Variants in CELSR1 observed in about 807,000 individuals in gnomAD.
The protein encoded by CELSR1 is cadherin EGF LAG seven-pass G-type receptor 1.
A neutral mutation model predicts 249.1 loss-of-function variants in CELSR1; 110 were observed. That is an observed-to-expected ratio of 0.44 (90% CI 0.38 to 0.52). The LOEUF (loss-of-function observed/expected upper bound fraction) is 0.52, where lower values mean the gene tolerates loss of function less well. CELSR1 is among the 20% of genes least tolerant of loss of function. The pLI, the probability that CELSR1 is intolerant of heterozygous loss-of-function variation, is 0.00. For synonymous variants in CELSR1, 2,113 were observed against 1,900.0 expected, an observed-to-expected ratio of 1.11 and a Z score of -2.92; for missense variants, 4,109 against 4,296.4, an observed-to-expected ratio of 0.96 and a Z score of 1.22.
Position 46,381,836 on chromosome 22 carries a change from C to G in CELSR1, c.7088+10G>C. 3.2e-6 allele frequency: 5 copies of G among 1,545,082 alleles called. No homozygotes were observed. Among genetic ancestry groups the G allele is most frequent in the Non-Finnish European group, 4.4e-6 (5 of 1,148,786 alleles). On this transcript the variant is annotated intron_variant, in intron 21 of 34. Coordinates refer to ENST00000674500, the MANE Select transcript of CELSR1 (RefSeq NM_001378328.1). The surrounding 1 kb of genome is among the most constrained non-coding windows in gnomAD (Gnocchi z 6.0). ...GGGCCCTCCCCGTGTGCCCCGTGCC[C>G]AGGCCTTACCGGAGGCTGCGACGGT...
chr22:46,451,576 T>C (rs2079885346), intron 2 of CELSR1, among the ~76,000 whole-genome samples: 1 of 152,074 alleles, frequency 6.6e-6, no homozygotes, highest in Non-Finnish European at 1.5e-5. Flanking sequence ...AGCCAAAGGC[T>C]CCAGTAGCAT....
At position 46,488,317 on chromosome 22, in the gene CELSR1, G is replaced by C. The variant is rs1274443711; in HGVS notation, c.3545-23972C>G. ...AGCCCTGCCCTCCTGGGGACAGGGGGATGGTCTTGGGGGATGAGAGTCCCA... is the reference window on the plus strand; with the variant it reads ...AGCCCTGCCCTCCTGGGGACAGGGGCATGGTCTTGGGGGATGAGAGTCCCA... On this transcript the variant is annotated intron_variant, in intron 1 of 34. Transcript: ENST00000674500. The surrounding 1 kb of genome is among the most constrained non-coding windows in gnomAD (Gnocchi z 4.7). Among the ~76,000 whole-genome samples, 2 of 152,048 alleles carry C rather than the reference G, an allele frequency of 1.3e-5. No homozygotes were observed. Among genetic ancestry groups the C allele is most frequent in the African/African-American group, 4.8e-5 (2 of 41,358 alleles).
At position 46,533,955 on chromosome 22, in the gene CELSR1, C is replaced by G. The variant is rs374835377; in HGVS notation, c.3216G>C (p.Leu1072=). The G allele has an allele frequency of 2.5e-5, 40 of 1,613,380 alleles. 1 individual carries two copies. The highest frequency in any genetic ancestry group is 1.1e-4 in the East Asian group (5 of 44,892). The change falls in exon 1 of 35, where the codon CTG becomes CTC. Residue 1072 remains leucine, a synonymous_variant. Transcript: ENST00000674500. ...GCGGAGCCGACGTGGCCTGCACCAC[C>G]AGCACATACTCCCGCCGGACCTCAA... ...LDFEVRREYV[L]VVQATSAPLV...
chr22:46,499,468 C>T (rs890362643), intron 1 of CELSR1, among the ~76,000 whole-genome samples: 3 of 152,200 alleles, frequency 2.0e-5, no homozygotes, highest in African/African-American at 4.8e-5. Context: ...GGCTTAGATG[C>T]CAGTGGCGAG....
chr22:46,391,055 G>A lies in CELSR1; in HGVS notation c.6250+131C>T. On this transcript the variant is annotated intron_variant, in intron 16 of 34. Transcript: ENST00000674500. The surrounding 1 kb of genome is among the most constrained non-coding windows in gnomAD (Gnocchi z 4.3). ...TTTCCTGGTAGGGAAAAGGCGATCG[G>A]ATTTCTCCCCAGCACTTTGCCTGCG... The A allele has an allele frequency of 1.4e-6, 1 of 723,344 alleles. No individual in the cohort carries two copies. The highest frequency in any genetic ancestry group is 2.3e-6 in the Non-Finnish European group (1 of 439,938). 44.8% of individuals were successfully genotyped at this position (723,344 alleles called of 1,614,324 possible).
Position 46,407,593 on chromosome 22 carries a change from T to TCGCACTCCAGCCTGGG in CELSR1, c.5226+1387_5226+1402dup. ...GTTGCAGTGAGCTGAGGTTACGCCGTCGCACTCCAGCCTGGGCAACAAGAG... is the reference window on the plus strand; with the variant it reads ...GTTGCAGTGAGCTGAGGTTACGCCGTCGCACTCCAGCCTGGGCGCACTCCAGCCTGGGCAACAAGAG... On this transcript the variant is annotated intron_variant, in intron 9 of 34. Coordinates refer to ENST00000674500, the MANE Select transcript of CELSR1 (RefSeq NM_001378328.1). This position sits in a 1 kb window ranked among gnomAD's most constrained non-coding sequence, Gnocchi z 4.8. Among the ~76,000 whole-genome samples, 1 of 151,834 alleles carries TCGCACTCCAGCCTGGG rather than the reference T, an allele frequency of 6.6e-6. No homozygotes were observed. The highest frequency in any genetic ancestry group is 6.6e-5 in the Admixed American group (1 of 15,234).
Position 46,516,512 on chromosome 22 carries a change from T to A in CELSR1, c.3544+17115A>T, listed in dbSNP as rs899360463. Among the ~76,000 whole-genome samples, 225 of 151,528 alleles carry A rather than the reference T, an allele frequency of 1.5e-3. 1 individual carries two copies. Among genetic ancestry groups the A allele is most frequent in the Admixed American group, 2.6e-3 (40 of 15,196 alleles). ...ACCGGTTTTGGGGGGTTTTTTAAAA[T>A]TTTTTTTTATAGACACAGGGTCTCG... On this transcript the variant is annotated intron_variant, in intron 1 of 34. Coordinates refer to ENST00000674500, the MANE Select transcript of CELSR1 (RefSeq NM_001378328.1).
At position 46,386,471 on chromosome 22, in the gene CELSR1, A is replaced by G; in HGVS notation, c.6670T>C (p.Phe2224Leu). Residue 2224 changes from phenylalanine (F) to leucine (L), a missense_variant, in exon 19 of 35, where the codon TTC becomes CTC. By Grantham distance (22) the Phe-to-Leu change is conservative. Transcript: ENST00000674500. ...AQLLRRLEGY[F>L]SNVARNVRRT... ...CGCACGTTGCGTGCCACGTTGCTGA[A>G]GTAGCCCTCGAGGCGCCGGAGCAGC... The G allele has an allele frequency of 1.2e-6, 2 of 1,603,756 alleles. No homozygotes were observed. Among genetic ancestry groups the G allele is most frequent in the South Asian group, 1.1e-5 (1 of 89,546 alleles).
Position 46,408,525 on chromosome 22 carries a change from G to A in CELSR1, c.5226+471C>T, listed in dbSNP as rs1401491994. Among the ~76,000 whole-genome samples, 1 of 152,168 alleles carries A rather than the reference G, an allele frequency of 6.6e-6. No individual in the cohort carries two copies. Among genetic ancestry groups the A allele is most frequent in the Non-Finnish European group, 1.5e-5 (1 of 68,034 alleles). On this transcript the variant is annotated intron_variant, in intron 9 of 34. Coordinates refer to ENST00000674500, the MANE Select transcript of CELSR1 (RefSeq NM_001378328.1). This position sits in a 1 kb window ranked among gnomAD's most constrained non-coding sequence, Gnocchi z 4.6. ...TTTTTTTGTATTTTTAGTAGAGATGGGGTTTCACCATGTTGGCCAGGCTGG... is the reference window on the plus strand; with the variant it reads ...TTTTTTTGTATTTTTAGTAGAGATGAGGTTTCACCATGTTGGCCAGGCTGG...
At chr22:46,420,154 GC>G (rs1351358031) in intron 5 of CELSR1, among the ~76,000 whole-genome samples, 1 of 148,396 alleles carries the variant, frequency 6.7e-6, no homozygotes, top group Non-Finnish European at 1.5e-5. Flanking sequence ...ACTCAAATGT[GC>G]CCTCACCCAC....
chr22:46,530,966 A>C (rs888318933), intron 1 of CELSR1, among the ~76,000 whole-genome samples: 2 of 152,330 alleles, frequency 1.3e-5, no homozygotes, highest in Admixed American at 1.3e-4. Context: ...CTGGGGAAGC[A>C]ACAACACTCC....
chr22:46,469,338 C>T (rs993976407), intron 1 of CELSR1, among the ~76,000 whole-genome samples: 1 of 152,158 alleles, frequency 6.6e-6, no homozygotes, highest in Admixed American at 6.6e-5. Flanking sequence ...CTTCCTGCCC[C>T]GGGGCCTTTG....
At chr22:46,507,864 T>TGG (rs5845754) in intron 1 of CELSR1, among the ~76,000 whole-genome samples, 17 of 152,004 alleles carry the variant, frequency 1.1e-4, no homozygotes, top group East Asian at 7.7e-4. Context: ...GAGGAGGCAC[T>TGG]GGGGGGCTGC....
rs925842766 is a variant in CELSR1, at chr22:46,396,443, T to C, written c.5843+162A>G. 6.6e-6 allele frequency among the ~76,000 whole-genome samples: 1 copy of C among 151,788 alleles called. No individual in the cohort carries two copies. Among genetic ancestry groups the C allele is most frequent in the Non-Finnish European group, 1.5e-5 (1 of 68,004 alleles). On this transcript the variant is annotated intron_variant, in intron 13 of 34. Coordinates refer to ENST00000674500, the MANE Select transcript of CELSR1 (RefSeq NM_001378328.1). This position sits in a 1 kb window ranked among gnomAD's most constrained non-coding sequence, Gnocchi z 6.4. ...AAATAAAATAAAAATTAAAAAAAATTTGATTTTCACTTAATTCATGCCAAA... is the reference window on the plus strand; with the variant it reads ...AAATAAAATAAAAATTAAAAAAAATCTGATTTTCACTTAATTCATGCCAAA...
In CELSR1 at chr22:46,386,541, C is replaced by T; in HGVS notation, c.6600G>A (p.Arg2200=). ...SGSALLAPAT[R]AAWEQIQRSE... ...TCCGCTGGATCTGCTCCCACGCCGC[C>T]CTGGTGGCTGGGGCCAGGAGGGCGC... The change falls in exon 19 of 35, where the codon AGG becomes AGA. Residue 2200 remains arginine (R), a synonymous_variant. Coordinates refer to ENST00000674500, the MANE Select transcript of CELSR1 (RefSeq NM_001378328.1). 6.3e-7 allele frequency: 1 copy of T among 1,598,326 alleles called. No individual in the cohort carries two copies. The highest frequency in any genetic ancestry group is 8.5e-7 in the Non-Finnish European group (1 of 1,174,404).
chr22:46,426,620 G>A (rs574449728), intron 5 of CELSR1, among the ~76,000 whole-genome samples: 1 of 152,238 alleles, frequency 6.6e-6, no homozygotes, highest in South Asian at 2.1e-4. Context: ...AGCAATTTGG[G>A]GGTGCTATGG....
In CELSR1 at chr22:46,406,162, A is replaced by T. The variant is rs745553817; in HGVS notation, c.5226+2834T>A. On this transcript the variant is annotated intron_variant, in intron 9 of 34. Transcript: ENST00000674500. The surrounding 1 kb of genome is among the most constrained non-coding windows in gnomAD (Gnocchi z 5.4). The stretch of plus-strand genomic sequence containing the variant: ...TGCCAAATGACAACTTGCAAGCTCC[A>T]GTTCATCACCTGCATCCAACAGCCA... Among the ~76,000 whole-genome samples, 3 of 152,238 alleles carry T rather than the reference A, an allele frequency of 2.0e-5. No individual in the cohort carries two copies. The highest frequency in any genetic ancestry group is 4.4e-5 in the Non-Finnish European group (3 of 68,048).
rs1250384121 is a variant in CELSR1 at position 46,488,922 on chromosome 22, G to C, written c.3545-24577C>G. Among the ~76,000 whole-genome samples, 4 of 151,550 alleles carry C rather than the reference G, an allele frequency of 2.6e-5. No homozygotes were observed. Among genetic ancestry groups the C allele is most frequent in the Admixed American group, 6.6e-5 (1 of 15,228 alleles). Reference sequence around the variant, plus strand: ...GATCCGCCTGCCTCGGCTTCCCAAAGTGTTGGGATTACAGGCGGAAGCCAC... The same window carrying C: ...GATCCGCCTGCCTCGGCTTCCCAAACTGTTGGGATTACAGGCGGAAGCCAC... On this transcript the variant is annotated intron_variant, in intron 1 of 34. Coordinates refer to ENST00000674500, the MANE Select transcript of CELSR1 (RefSeq NM_001378328.1). This position sits in a 1 kb window ranked among gnomAD's most constrained non-coding sequence, Gnocchi z 4.7.
intron 1 of CELSR1, among the ~76,000 whole-genome samples, chr22:46,487,757 G>T (rs2080328931): frequency 7.1e-6 from 1 of 140,170 alleles, no homozygotes; most frequent in Non-Finnish European, 1.6e-5. Context: ...CCAGGGTGCA[G>T]GTGGGAGGTA....
Sources: allele counts gnomAD v4.1 joint callset (sites outside exome capture counted in the v4.1 genomes callset), GRCh38; gene constraint gnomAD v4.1.1; non-coding constraint Gnocchi (gnomAD v3.1); transcripts MANE v1.5; gene names NCBI Gene and HGNC (gene_info 2026-07-23, HGNC 2026-07-21).